Variants in DUSP22 observed in about 807,000 individuals in gnomAD.
DUSP22 encodes the protein dual specificity protein phosphatase 22.
DUSP22 carries 24 observed loss-of-function variants against 24.5 expected under a neutral mutation model. The ratio of observed to expected loss-of-function variants is 0.98; its 90% CI spans 0.71 to 1.38. The LOEUF (loss-of-function observed/expected upper bound fraction) is 1.38, where lower values mean the gene tolerates loss of function less well. Among genes scored for constraint, DUSP22 ranks in the 40% most tolerant of loss-of-function variants. The probability of loss-of-function intolerance (pLI) is 0.00; values close to 1 mark genes in which losing one functional copy is unlikely to be tolerated. For synonymous variants in DUSP22, 160 were observed against 106.4 expected (o/e 1.50, Z -3.10); for missense variants, 330 against 269.2 (o/e 1.23, Z -1.58).
intron 3 of DUSP22, among the ~76,000 whole-genome samples, chr6:330,278 C>T (rs1196202178): frequency 6.6e-6 from 1 of 152,296 alleles, no homozygotes; most frequent in Non-Finnish European, 1.5e-5. Context: ...ACTTGCTCTC[C>T]CCCTCCTTGT....
intron 2 of DUSP22, among the ~76,000 whole-genome samples, chr6:307,865 C>T (rs1186021791): frequency 6.6e-6 from 1 of 152,308 alleles, no homozygotes; most frequent in African/African-American, 2.4e-5. Flanking sequence ...GTTGTTTGGA[C>T]AAGGCCAGCC....
intron 5 of DUSP22, 148 bp from the exon 6 acceptor site, chr6:347,954 TC>T (rs1759959959): frequency 9.5e-6 from 11 of 1,163,834 alleles, no homozygotes; most frequent in Non-Finnish European, 1.3e-5. Context: ...CTGAGTGGCT[TC>T]CTGGTGGCGA....
intron 2 of DUSP22, among the ~76,000 whole-genome samples, chr6:308,160 T>C (rs1221269582): frequency 1.3e-5 from 2 of 152,310 alleles, no homozygotes; most frequent in African/African-American, 4.8e-5. Flanking sequence ...TGGGGTCTAC[T>C]TGATGCTCTG....
At chr6:337,299 T>C (rs908206317) in intron 4 of DUSP22, 18 of 152,470 alleles carry the variant, frequency 1.2e-4, no homozygotes, top group Non-Finnish European at 2.1e-4. Flanking sequence ...TGAAAATGCC[T>C]GCCCTCAGGG....
intron 3 of DUSP22, among the ~76,000 whole-genome samples, chr6:330,942 A>T (rs1181221796): frequency 6.6e-6 from 1 of 152,304 alleles, no homozygotes; most frequent in African/African-American, 2.4e-5. Flanking sequence ...TACGGTGTAC[A>T]CCTGGTCCCC....
intron 2 of DUSP22, among the ~76,000 whole-genome samples, chr6:307,594 G>A (rs1280876421): frequency 6.6e-6 from 1 of 152,302 alleles, no homozygotes; most frequent in Non-Finnish European, 1.5e-5. Context: ...AGGGAAGGCA[G>A]GGAGTGGAAG....
chr6:297,805 C>G (rs1406026757), intron 1 of DUSP22, among the ~76,000 whole-genome samples: 1 of 152,300 alleles, frequency 6.6e-6, no homozygotes, highest in African/African-American at 2.4e-5. Context: ...GAAGGGCTGG[C>G]AGGTCAGGCA....
chr6:350,991 T>G lies in DUSP22; in HGVS notation c.*2040T>G. On this transcript the variant is annotated 3_prime_UTR_variant, in exon 7 of 7. Transcript: ENST00000419235. The stretch of plus-strand genomic sequence containing the variant: ...TGTAAACTTGTTTTTCATTTGAAGC[T>G]GAATATATACGTAGTCATGTTTATG... The G allele has an allele frequency of 7.4e-7, 1 of 1,353,254 alleles. No individual in the cohort carries two copies. The highest frequency in any genetic ancestry group is 1.0e-6 in the Non-Finnish European group (1 of 953,970). 83.8% of individuals were successfully genotyped at this position (1,353,254 alleles called of 1,614,324 possible).
intron 2 of DUSP22, among the ~76,000 whole-genome samples, chr6:309,697 CACACACACACACACACACACAT>C (rs1291976987): frequency 3.0e-4 from 32 of 108,084 alleles, no homozygotes; most frequent in African/African-American, 1.3e-4. Flanking sequence ...CACACACACA[CACACACACACACACACACACAT>C]ACTATAAAGA....
At chr6:309,549 C>T (rs1757970327) in intron 2 of DUSP22, among the ~76,000 whole-genome samples, 1 of 152,280 alleles carries the variant, frequency 6.6e-6, no homozygotes, top group Non-Finnish European at 1.5e-5. Context: ...ATGTTTAGAA[C>T]AATGTTTCTT....
At chr6:312,215 A>G (rs1431925171) in intron 3 of DUSP22, among the ~76,000 whole-genome samples, 1 of 152,310 alleles carries the variant, frequency 6.6e-6, no homozygotes, top group Non-Finnish European at 1.5e-5. Context: ...GCCTAGGAAT[A>G]AGCTGAGGCT....
chr6:349,410 CT>C lies in DUSP22; in HGVS notation c.*462del. On this transcript the variant is annotated 3_prime_UTR_variant, in exon 7 of 7. Coordinates refer to ENST00000419235, the MANE Select transcript of DUSP22 (RefSeq NM_001286555.3). ...TTGCTGCCCGGGTTGGTGTGGCCAC[CT>C]TTCCCTTTGTCCAAGACTCCACATG... 2.0e-6 allele frequency: 2 copies of C among 1,019,366 alleles called. No individual in the cohort carries two copies. Among genetic ancestry groups the C allele is most frequent in the Non-Finnish European group, 2.4e-6 (2 of 850,870 alleles). 63.1% of individuals were successfully genotyped at this position (1,019,366 alleles called of 1,614,324 possible).
intron 1 of DUSP22, among the ~76,000 whole-genome samples, chr6:303,524 T>C (rs1320805249): frequency 6.6e-6 from 1 of 152,300 alleles, no homozygotes; most frequent in Non-Finnish European, 1.5e-5. Flanking sequence ...AGAACTGTAC[T>C]ACAGGCTCTT....
chr6:331,105 T>A (rs1466639306), intron 3 of DUSP22, among the ~76,000 whole-genome samples: 1 of 152,300 alleles, frequency 6.6e-6, no homozygotes. Context: ...CAGAGCCCAT[T>A]TTTCTTAACT....
At position 304,615 on chromosome 6, in the gene DUSP22, G is replaced by C. The variant is rs1554098434; in HGVS notation, c.22-13G>C. The C allele has an allele frequency of 1.2e-6, 2 of 1,614,248 alleles. No homozygotes were observed. The highest frequency in any genetic ancestry group is 1.1e-5 in the South Asian group (1 of 91,092). On this transcript the variant is annotated splice_polypyrimidine_tract_variant and intron_variant, in intron 1 of 6. Coordinates refer to ENST00000419235, the MANE Select transcript of DUSP22 (RefSeq NM_001286555.3). ...GTCTGCCATGCTCATGTCTGTGTCTGTCTCTCTCCTAGATCCTGCCCGGCC... is the reference window on the plus strand; with the variant it reads ...GTCTGCCATGCTCATGTCTGTGTCTCTCTCTCTCCTAGATCCTGCCCGGCC...
chr6:293,304 A>G (rs1251637650), intron 1 of DUSP22, among the ~76,000 whole-genome samples: 8 of 152,286 alleles, frequency 5.3e-5, no homozygotes, highest in African/African-American at 1.9e-4. Context: ...AAGTTGCCAG[A>G]TTCCAGCTCT....
intron 2 of DUSP22, among the ~76,000 whole-genome samples, chr6:306,777 C>A (rs112363371): frequency 0.015 from 2,242 of 151,708 alleles, 3 homozygotes; most frequent in African/African-American, 0.024. Flanking sequence ...GAATGTGGAC[C>A]AGTGTCCCTG....
intron 3 of DUSP22, among the ~76,000 whole-genome samples, chr6:331,360 G>A (rs1489828601): frequency 6.6e-6 from 1 of 152,302 alleles, no homozygotes; most frequent in African/African-American, 2.4e-5. Flanking sequence ...AGCAAACACT[G>A]TACTAATGGA....
intron 3 of DUSP22, among the ~76,000 whole-genome samples, chr6:314,058 A>G (rs1332311210): frequency 6.6e-6 from 1 of 152,292 alleles, no homozygotes; most frequent in African/African-American, 2.4e-5. Context: ...GAATTAGCGG[A>G]CGGGTTTGGT....
Sources: allele counts gnomAD v4.1 joint callset (sites outside exome capture counted in the v4.1 genomes callset), GRCh38; gene constraint gnomAD v4.1.1; transcripts MANE v1.5; gene names NCBI Gene and HGNC (gene_info 2026-07-23, HGNC 2026-07-21).